YKT6: variants seen among roughly 807,000 people sequenced by gnomAD.
YKT6 encodes YKT6 vesicular SNARE protein.
Under a neutral mutation model 29.3 loss-of-function variants are expected in YKT6, and 12 were observed. The ratio of observed to expected loss-of-function variants is 0.41; its 90% CI spans 0.26 to 0.66. The LOEUF (loss-of-function observed/expected upper bound fraction) is 0.66. Ranked by LOEUF, YKT6 falls within the 30% of genes least tolerant of loss-of-function variation. YKT6 has a pLI of 0.32. For synonymous variants in YKT6, 86 were observed against 94.3 expected (o/e 0.91, Z 0.51); for missense variants, 188 against 243.8 (o/e 0.77, Z 1.52).
At chr7:44,204,975 G>T (rs538451954) in intron 2 of YKT6, among the ~76,000 whole-genome samples, 2 of 152,216 alleles carry the variant, frequency 1.3e-5, no homozygotes, top group Admixed American at 1.3e-4. Context: ...AGCTAGCACT[G>T]TTGAGGTACT....
rs543431446 is a variant in YKT6, at chr7:44,207,158, A to G, written c.289-230A>G. ...AAGTGAGGTTCATCTCGGGCTGGGC[A>G]TACTTTTGATTCTCAGAATATTTAG... is the stretch of plus-strand genomic sequence containing the variant. On this transcript the variant is annotated intron_variant, in intron 3 of 6. Transcript: ENST00000223369. Among the ~76,000 whole-genome samples, 4 of 152,334 alleles carry G rather than the reference A, an allele frequency of 2.6e-5. No individual in the cohort carries two copies. In the South Asian group the frequency reaches 8.3e-4, roughly 32 times the overall value.
intron 5 of YKT6, 173 bp from the exon 6 acceptor site, chr7:44,210,850 C>T (rs768108193): frequency 1.5e-6 from 1 of 680,910 alleles, no homozygotes; most frequent in South Asian, 1.5e-5. Context: ...AGGTTCTGTT[C>T]CATCCACTTG....
Position 44,213,031 on chromosome 7 carries a change from A to C in YKT6, c.*749A>C, listed in dbSNP as rs1011701515. On this transcript the variant is annotated 3_prime_UTR_variant, in exon 7 of 7. Transcript: ENST00000223369. ...GTTCGTACCAGCAAGTAGACTAGGAACTGAGCCCAGGAAAGGGGGATGTTT... is the reference window on the plus strand; with the variant it reads ...GTTCGTACCAGCAAGTAGACTAGGACCTGAGCCCAGGAAAGGGGGATGTTT... The C allele has an allele frequency of 1.3e-5, 2 of 152,204 alleles. No individual in the cohort carries two copies. The highest frequency in any genetic ancestry group is 2.9e-5 in the Non-Finnish European group (2 of 68,050). 9.4% of individuals were successfully genotyped at this position (152,204 alleles called of 1,614,324 possible).
At chr7:44,208,613 G>T in intron 5 of YKT6, 1 of 183,788 alleles carries the variant, frequency 5.4e-6, no homozygotes, top group Non-Finnish European at 1.2e-5. Flanking sequence ...TTGAAGCACC[G>T]TGCACTGACC....
intron 6 of YKT6, chr7:44,211,651 G>T: frequency 2.0e-6 from 2 of 996,650 alleles, no homozygotes; most frequent in South Asian, 4.5e-5. Context: ...GTTGGCCCAT[G>T]GTTGGATAGT....
rs1488272305 is a variant in YKT6, at chr7:44,211,035, G to A, written c.472G>A (p.Glu158Lys). Residue 158 changes from glutamate to lysine, a missense_variant, in exon 6 of 7, where the codon GAG becomes AAG. Physicochemically the swap from Glu to Lys is moderately conservative, Grantham distance 56. Coordinates refer to ENST00000223369, the MANE Select transcript of YKT6 (RefSeq NM_006555.4). Reference sequence around the variant, plus strand: ...CTTTTTTGTCCAGCACAACACCATGGAGTCTCTGTTAGAGCGAGGTGAGAA... The same window carrying A: ...CTTTTTTGTCCAGCACAACACCATGAAGTCTCTGTTAGAGCGAGGTGAGAA... ...ETKIILHNTM[E>K]SLLERGEKLD... The A allele has an allele frequency of 1.9e-6, 3 of 1,614,014 alleles. No homozygotes were observed.
rs990005583 is a variant in YKT6, at chr7:44,201,035, G to A, written c.-101G>A. ...GGCCCCGTCAGCAGCCGGCTGCTGA[G>A]AGGCCGGTAGGCGGCGGCGGTCCCG... On this transcript the variant is annotated 5_prime_UTR_variant, in exon 1 of 7. Coordinates refer to ENST00000223369, the MANE Select transcript of YKT6 (RefSeq NM_006555.4). 1.0e-5 allele frequency: 10 copies of A among 996,854 alleles called. No homozygotes were observed. The East Asian group carries it at 3.1e-4, about 31-fold the overall frequency. The allele number at this position is 996,854 out of a possible 1,614,324, so 61.8% of individuals were successfully genotyped here. A position where few individuals can be genotyped will look rare whatever the true frequency, so the allele number is the denominator to read the frequency against.
At chr7:44,208,443 CCCTT>C (rs1275786751) in intron 5 of YKT6, 3 of 469,808 alleles carry the variant, frequency 6.4e-6, no homozygotes, top group East Asian at 7.6e-5. Flanking sequence ...CCTCAAGTCT[CCCTT>C]CCTCATGGCT....
chr7:44,212,335 C>T lies in YKT6; in HGVS notation c.*53C>T. ...AATGGCACCATCATTCACATCAGAA[C>T]TGCAGCCCCTGGAAAAGAAGAGACA... On this transcript the variant is annotated 3_prime_UTR_variant, in exon 7 of 7. Transcript: ENST00000223369. The T allele has an allele frequency of 6.3e-7, 1 of 1,599,366 alleles. No individual in the cohort carries two copies. Among genetic ancestry groups the T allele is most frequent in the Non-Finnish European group, 8.6e-7 (1 of 1,168,708 alleles).
At chr7:44,205,263 T>G (rs1404748273) in intron 2 of YKT6, among the ~76,000 whole-genome samples, 1 of 152,242 alleles carries the variant, frequency 6.6e-6, no homozygotes, top group Non-Finnish European at 1.5e-5. Flanking sequence ...CTCTGTGCTA[T>G]TAACATCATA....
chr7:44,207,025 G>A (rs1562742846), intron 3 of YKT6, among the ~76,000 whole-genome samples: 1 of 152,124 alleles, frequency 6.6e-6, no homozygotes. Context: ...CTTAAATCTA[G>A]GGGACCTAAT....
At position 44,212,461 on chromosome 7, in the gene YKT6, A is replaced by G. The variant is rs1055329918; in HGVS notation, c.*179A>G. On this transcript the variant is annotated 3_prime_UTR_variant, in exon 7 of 7. Transcript: ENST00000223369. ...AAGGGTGGCGAATGTTCAAATTCAT[A>G]TGTGTGGTAGTGATTCTTGGAAAGA... 1.3e-6 allele frequency: 1 copy of G among 756,900 alleles called. No individual in the cohort carries two copies. The highest frequency in any genetic ancestry group is 2.7e-5 in the East Asian group (1 of 37,206). 46.9% of individuals were successfully genotyped at this position (756,900 alleles called of 1,614,324 possible). A position where few individuals can be genotyped will look rare whatever the true frequency, so the allele number is the denominator to read the frequency against.
chr7:44,211,718 G>A lies in YKT6; in HGVS notation c.562-529G>A, dbSNP rs142739433. ...CACATTTGCTTTCATGTGCACATTG[G>A]AGGGAGATGGCTAGGTGGGATTAGG... On this transcript the variant is annotated intron_variant, in intron 6 of 6. Coordinates refer to ENST00000223369, the MANE Select transcript of YKT6 (RefSeq NM_006555.4). 2.1e-4 allele frequency: 138 copies of A among 646,662 alleles called. No homozygotes were observed. The African/African-American group carries it at 2.4e-3, about 11-fold the overall frequency. The allele number at this position is 646,662 out of a possible 1,614,324, so 40.1% of individuals were successfully genotyped here.
rs1195980451 is a variant in YKT6, at chr7:44,212,649, A to G, written c.*367A>G. The stretch of plus-strand genomic sequence containing the variant: ...GATCTTTGGTATATCTTTGGATCTT[A>G]TTTGTACATTAATGATATTAACACT... On this transcript the variant is annotated 3_prime_UTR_variant, in exon 7 of 7. Coordinates refer to ENST00000223369, the MANE Select transcript of YKT6 (RefSeq NM_006555.4). 4.7e-6 allele frequency: 1 copy of G among 213,692 alleles called. No homozygotes were observed. Among genetic ancestry groups the G allele is most frequent in the Non-Finnish European group, 9.3e-6 (1 of 107,422 alleles). 13.2% of individuals were successfully genotyped at this position (213,692 alleles called of 1,614,324 possible). A position where few individuals can be genotyped will look rare whatever the true frequency, so the allele number is the denominator to read the frequency against.
In YKT6 at chr7:44,206,395, C is replaced by G. The variant is rs143932038; in HGVS notation, c.198C>G (p.Cys66Trp). The G allele has an allele frequency of 6.2e-7, 1 of 1,613,930 alleles. No homozygotes were observed. The highest frequency in any genetic ancestry group is 8.5e-7 in the Non-Finnish European group (1 of 1,180,016). ...RASVKEQDYL[C>W]HVYVRNDSLA... ...CTCTTGTCTCCTTAGACTATCTGTGCCACGTCTACGTCCGGAATGATAGTC... is the reference window on the plus strand; with the variant it reads ...CTCTTGTCTCCTTAGACTATCTGTGGCACGTCTACGTCCGGAATGATAGTC... Residue 66 changes from cysteine (C) to tryptophan (W), a missense_variant, in exon 3 of 7, where the codon TGC (cysteine) becomes TGG (tryptophan). Physicochemically the swap from Cys to Trp is radical, Grantham distance 215 (BLOSUM62 -2). Around this residue, in one of 3 missense-constraint regions of YKT6, gnomAD observed 100 missense variants for 136.3 expected, o/e 0.73. Coordinates refer to ENST00000223369, the MANE Select transcript of YKT6 (RefSeq NM_006555.4).
chr7:44,210,567 T>C, intron 5 of YKT6: 1 of 261,720 alleles, frequency 3.8e-6, no homozygotes, highest in South Asian at 3.7e-5. Context: ...TGTTAATTTC[T>C]GGGATGCGGT....
At chr7:44,207,522 C>T in intron 4 of YKT6, 30 bp downstream of exon 4, 5 of 1,597,996 alleles carry the variant, frequency 3.1e-6, no homozygotes, top group Non-Finnish European at 4.3e-6. Context: ...CAGCAGACAC[C>T]ATGTGGCCCA....
chr7:44,211,145 G>T, intron 6 of YKT6, 21 bp downstream of exon 6: 1 of 1,605,018 alleles, frequency 6.2e-7, no homozygotes, highest in Non-Finnish European at 8.5e-7. Flanking sequence ...AGCACCTGCT[G>T]CCTCCTGGGT....
intron 2 of YKT6, among the ~76,000 whole-genome samples, chr7:44,205,894 T>TA (rs1003128593): frequency 2.0e-5 from 3 of 152,192 alleles, no homozygotes; most frequent in African/African-American, 4.8e-5. Context: ...CAGGTTGCTA[T>TA]AATATGGAAG....
Sources: gnomAD v4.1 joint callset for allele counts (sites outside exome capture counted in the v4.1 genomes callset) on GRCh38, gnomAD v4.1.1 for gene constraint, gnomAD v4.1.1 regional missense constraint, MANE v1.5 for transcripts, NCBI Gene and HGNC (gene_info 2026-07-23, HGNC 2026-07-21) for gene names.